Variants in PRELID2 observed in about 807,000 individuals in gnomAD.
PRELID2 encodes PRELI domain-containing protein 2.
Under a neutral mutation model 28.4 loss-of-function variants are expected in PRELID2, and 25 were observed. The observed-to-expected ratio is 0.88, with a 90% CI of 0.64 to 1.23. The LOEUF is 1.23. Ranked by LOEUF, PRELID2 falls within the 50% of genes most tolerant of loss-of-function variation. The pLI is 0.00. For missense variants in PRELID2, 201 were observed against 214.4 expected (o/e 0.94, Z 0.39); for synonymous variants, 76 against 71.6 (o/e 1.06, Z -0.31).
At chr5:145,662,701 G>A (rs1754517609) in intron 1 of PRELID2, among the ~76,000 whole-genome samples, 1 of 152,050 alleles carries the variant, frequency 6.6e-6, no homozygotes, top group African/African-American at 2.4e-5. Flanking sequence ...AGAGAAATCT[G>A]AGCTAGCATG....
At chr5:145,729,649 C>T (rs1333849000) in intron 1 of PRELID2, among the ~76,000 whole-genome samples, 1 of 152,220 alleles carries the variant, frequency 6.6e-6, no homozygotes, top group African/African-American at 2.4e-5. Flanking sequence ...TTCTTTCAGT[C>T]ATCCTTGGGT....
chr5:145,442,053 G>T, the PRELID2 span, among the ~76,000 whole-genome samples: 3 of 152,030 alleles, frequency 2.0e-5, no homozygotes, highest in Non-Finnish European at 4.4e-5. Flanking sequence ...GGAAACAGTG[G>T]CCAGGAAGAA....
chr5:145,259,041 GA>G, the PRELID2 span, among the ~76,000 whole-genome samples: 1 of 152,218 alleles, frequency 6.6e-6, no homozygotes, highest in Non-Finnish European at 1.5e-5. Flanking sequence ...CACTGCTTCA[GA>G]AAGTGCAAGA....
the PRELID2 span, among the ~76,000 whole-genome samples, chr5:145,381,108 A>T: frequency 6.6e-6 from 1 of 152,230 alleles, no homozygotes; most frequent in Non-Finnish European, 1.5e-5. Flanking sequence ...TCTAAAAAGC[A>T]ATAATTTAAA....
At chr5:145,348,730 T>C in the PRELID2 span, among the ~76,000 whole-genome samples, 1 of 152,006 alleles carries the variant, frequency 6.6e-6, no homozygotes, top group Non-Finnish European at 1.5e-5. Context: ...ATTTAGAGAG[T>C]TCTAATTTGT....
the PRELID2 span, among the ~76,000 whole-genome samples, chr5:145,410,168 G>C: frequency 6.6e-6 from 1 of 152,128 alleles, no homozygotes; most frequent in Non-Finnish European, 1.5e-5. Flanking sequence ...AGTCAAGATG[G>C]ATCAAAGACT....
chr5:145,285,883 A>T, the PRELID2 span, among the ~76,000 whole-genome samples: 1 of 152,338 alleles, frequency 6.6e-6, no homozygotes, highest in East Asian at 1.9e-4. Flanking sequence ...GCCAAGAAAC[A>T]TCTGAAAATG....
intron 1 of PRELID2, among the ~76,000 whole-genome samples, chr5:145,615,995 T>C (rs1753693119): frequency 6.6e-6 from 1 of 152,224 alleles, no homozygotes; most frequent in African/African-American, 2.4e-5. Flanking sequence ...CCTTCATATA[T>C]AATGCTTATT....
rs147353032 is a variant in PRELID2, at chr5:145,772,456, T to C, written c.475-7456A>G. 3.9e-3 allele frequency among the ~76,000 whole-genome samples: 591 copies of C among 152,292 alleles called. 3 individuals are homozygous for C. Among genetic ancestry groups the C allele is most frequent in the African/African-American group, 0.013 (528 of 41,566 alleles). On this transcript the variant is annotated intron_variant, in intron 5 of 6. Coordinates refer to ENST00000683046, the MANE Select transcript of PRELID2 (RefSeq NM_205846.3). ...ATTTGTAAACAAAAAAAAAGTTTATTTGGTTTACAGTGCTGGAGGCTGGGA... is the reference window on the plus strand; with the variant it reads ...ATTTGTAAACAAAAAAAAAGTTTATCTGGTTTACAGTGCTGGAGGCTGGGA...
At chr5:145,414,801 G>A in the PRELID2 span, among the ~76,000 whole-genome samples, 1 of 152,148 alleles carries the variant, frequency 6.6e-6, no homozygotes, top group Non-Finnish European at 1.5e-5. Context: ...CAATACCTGA[G>A]TCTTGAAATA....
At chr5:145,807,417 A>C (rs1753587954) in intron 4 of PRELID2, among the ~76,000 whole-genome samples, 1 of 152,256 alleles carries the variant, frequency 6.6e-6, no homozygotes, top group South Asian at 2.1e-4. Context: ...ATTTAATCCC[A>C]TTAGTTCTAA....
At chr5:145,574,482 C>T (rs1753043801) in intron 1 of PRELID2, among the ~76,000 whole-genome samples, 1 of 152,186 alleles carries the variant, frequency 6.6e-6, no homozygotes, top group Non-Finnish European at 1.5e-5. Context: ...CCTGCTGCCC[C>T]ACTCTGAGGT....
chr5:145,480,831 C>T (rs1752152308), intron 1 of PRELID2, among the ~76,000 whole-genome samples: 1 of 152,210 alleles, frequency 6.6e-6, no homozygotes, highest in Non-Finnish European at 1.5e-5. Flanking sequence ...TCTAATTCAA[C>T]TCAGACTGCT....
chr5:145,828,726 T>A (rs1755371131), intron 1 of PRELID2, among the ~76,000 whole-genome samples: 1 of 152,202 alleles, frequency 6.6e-6, no homozygotes, highest in Non-Finnish European at 1.5e-5. Context: ...GTCTGCCATA[T>A]GCCCCCAAGA....
chr5:145,556,362 T>C (rs957900510), intron 1 of PRELID2, among the ~76,000 whole-genome samples: 1 of 152,128 alleles, frequency 6.6e-6, no homozygotes, highest in Admixed American at 6.5e-5. Flanking sequence ...TTCTGGCTAG[T>C]TGTGTGAGCC....
At chr5:145,571,061 C>T (rs560865965) in intron 1 of PRELID2, among the ~76,000 whole-genome samples, 1 of 152,262 alleles carries the variant, frequency 6.6e-6, no homozygotes, top group South Asian at 2.1e-4. Flanking sequence ...CTTGAAAAAG[C>T]ATTTTTATAC....
the PRELID2 span, among the ~76,000 whole-genome samples, chr5:145,379,775 G>C: frequency 6.6e-6 from 1 of 152,122 alleles, no homozygotes; most frequent in Admixed American, 6.6e-5. Context: ...ATGGTCACAG[G>C]AGCCAACCTG....
the PRELID2 span, among the ~76,000 whole-genome samples, chr5:145,455,170 G>T: frequency 6.6e-6 from 1 of 151,944 alleles, no homozygotes; most frequent in South Asian, 2.1e-4. Context: ...GTAAGGAAGG[G>T]GTCCAGTTTC....
chr5:145,703,865 T>C (rs948652579), intron 1 of PRELID2: 1 of 152,160 alleles, frequency 6.6e-6, no homozygotes, highest in African/African-American at 2.4e-5. Context: ...ACAGCTACGT[T>C]TTACAAAATC....
Sources: allele counts gnomAD v4.1 joint callset (sites outside exome capture counted in the v4.1 genomes callset), GRCh38; gene constraint gnomAD v4.1.1; transcripts MANE v1.5; gene names NCBI Gene and HGNC (gene_info 2026-07-23, HGNC 2026-07-21).